GPC3: variants seen among roughly 807,000 people sequenced by gnomAD.
GPC3 encodes glypican-3.
A neutral mutation model predicts 34.4 loss-of-function variants in GPC3; 3 were observed. The ratio of observed to expected loss-of-function variants is 0.09; its 90% CI spans 0.04 to 0.23. The LOEUF (loss-of-function observed/expected upper bound fraction) is 0.23. Among genes scored for constraint, GPC3 ranks in the 10% least tolerant of loss-of-function variants. GPC3 has a pLI of 1.00. For synonymous variants in GPC3, 177 were observed against 174.0 expected (o/e 1.02, Z -0.13); for missense variants, 351 against 445.6 (o/e 0.79, Z 1.91).
intron 7 of GPC3, among the ~76,000 whole-genome samples, chrX:133,555,776 C>T (rs751214446): frequency 1.9e-5 from 2 of 107,977 alleles, no homozygotes; most frequent in Admixed American, 9.9e-5. Context: ...TGCAGTGAGC[C>T]GAGATTGTGC....
intron 3 of GPC3, 128 bp downstream of exon 3, chrX:133,753,354 C>A: frequency 1.8e-6 from 1 of 553,602 alleles, no homozygotes; most frequent in South Asian, 2.4e-5. Context: ...TCTGTGAGGT[C>A]ATTCAGTCCA....
chrX:133,670,008 G>A (rs1014750403), intron 5 of GPC3, among the ~76,000 whole-genome samples: 11 of 111,721 alleles, frequency 9.8e-5, no homozygotes, highest in African/African-American at 3.3e-4. Context: ...CTGCGCAAAA[G>A]CCATAAACAG....
At chrX:133,798,522 A>C (rs1051649282) in intron 2 of GPC3, among the ~76,000 whole-genome samples, 2 of 112,205 alleles carry the variant, frequency 1.8e-5, no homozygotes, top group Admixed American at 1.9e-4. Flanking sequence ...AGGTTACCCC[A>C]TCCATCTAAC....
chrX:133,860,318 C>T (rs1461903036), intron 2 of GPC3, among the ~76,000 whole-genome samples: 1 of 110,753 alleles, frequency 9.0e-6, no homozygotes, highest in African/African-American at 3.3e-5. Flanking sequence ...TCAGTATTCC[C>T]ACTTCGAAAC....
chrX:133,623,992 G>T (rs962334376), intron 6 of GPC3, among the ~76,000 whole-genome samples: 15 of 111,981 alleles, frequency 1.3e-4, no homozygotes, highest in African/African-American at 4.9e-4. Flanking sequence ...CTAGAACTGA[G>T]GATTAAGAGA....
chrX:133,848,381 T>A (rs1378759188), intron 2 of GPC3, among the ~76,000 whole-genome samples: 2 of 111,912 alleles, frequency 1.8e-5, no homozygotes, highest in East Asian at 2.8e-4. Flanking sequence ...TTCTGTGGAA[T>A]TCATCCCATA....
At chrX:133,952,396 C>T (rs1191832034) in intron 2 of GPC3, among the ~76,000 whole-genome samples, 4 of 112,232 alleles carry the variant, frequency 3.6e-5, no homozygotes, top group Non-Finnish European at 7.5e-5. Flanking sequence ...ACCACCACCA[C>T]CTCCATCATC....
At chrX:133,795,783 TAA>T (rs138945094) in intron 2 of GPC3, among the ~76,000 whole-genome samples, 11,848 of 110,027 alleles carry the variant, frequency 0.11, 675 homozygotes, top group Non-Finnish European at 0.17. Context: ...GGCCCTCTCA[TAA>T]GAGTCTCCAA....
At chrX:133,928,812 T>C (rs2076285917) in intron 2 of GPC3, among the ~76,000 whole-genome samples, 2 of 112,211 alleles carry the variant, frequency 1.8e-5, no homozygotes, top group East Asian at 2.8e-4. Flanking sequence ...GTTGTATGAG[T>C]TCTTTATAAA....
At chrX:133,557,184 C>G (rs1000894917) in intron 7 of GPC3, among the ~76,000 whole-genome samples, 1 of 110,270 alleles carries the variant, frequency 9.1e-6, no homozygotes, top group African/African-American at 3.3e-5. Flanking sequence ...GTCCCAGCTA[C>G]TGGGGAGGCT....
In GPC3 at chrX:133,771,776, T is replaced by C. The variant is rs147442923; in HGVS notation, c.338-17600A>G. ...AGAAGTAAATTGTTTTCTATTATAT[T>C]CTCCTTAGGCTATAAATTCTCTGGG... is the stretch of plus-strand genomic sequence containing the variant. On this transcript the variant is annotated intron_variant, in intron 2 of 7. Coordinates refer to ENST00000370818, the MANE Select transcript of GPC3 (RefSeq NM_004484.4). 4.8e-3 allele frequency among the ~76,000 whole-genome samples: 541 copies of C among 112,120 alleles called. 3 individuals carry two copies. The highest frequency in any genetic ancestry group is 0.016 in the African/African-American group (499 of 30,844).
chrX:133,725,973 G>A (rs1328120991), intron 3 of GPC3, among the ~76,000 whole-genome samples: 2 of 111,815 alleles, frequency 1.8e-5, no homozygotes, highest in African/African-American at 6.5e-5. Context: ...CTAGCATCAT[G>A]AAATCACATA....
chrX:133,788,739 C>T (rs1368989335), intron 2 of GPC3, among the ~76,000 whole-genome samples: 2 of 92,610 alleles, frequency 2.2e-5, no homozygotes, highest in Non-Finnish European at 4.3e-5. Context: ...TCCTCCTATG[C>T]CCTCCTCCTC....
chrX:133,754,264 A>G (rs2071705670), intron 2 of GPC3, 88 bp from the exon 3 acceptor site: 1 of 689,212 alleles, frequency 1.5e-6, no homozygotes, highest in Non-Finnish European at 2.2e-6. Flanking sequence ...AGACTTCTCT[A>G]TTGCTGTGGT....
intron 5 of GPC3, among the ~76,000 whole-genome samples, chrX:133,691,454 G>A (rs376179913): frequency 3.0e-4 from 33 of 108,297 alleles, no homozygotes; most frequent in African/African-American, 1.0e-3. Flanking sequence ...AGCCAAGATC[G>A]CACCATTGTA....
intron 2 of GPC3, among the ~76,000 whole-genome samples, chrX:133,846,788 T>C (rs1237274783): frequency 8.9e-6 from 1 of 112,212 alleles, no homozygotes; most frequent in African/African-American, 3.2e-5. Context: ...TTTGTGCCTG[T>C]TAGTTATAGA....
At chrX:133,644,844 G>A (rs973381985) in intron 6 of GPC3, among the ~76,000 whole-genome samples, 17 of 110,796 alleles carry the variant, frequency 1.5e-4, no homozygotes, top group South Asian at 3.9e-4. Flanking sequence ...GCAGTGGCAC[G>A]ATCTTGGCTC....
At chrX:133,748,530 A>G (rs1166347090) in intron 3 of GPC3, among the ~76,000 whole-genome samples, 2 of 111,265 alleles carry the variant, frequency 1.8e-5, no homozygotes, top group African/African-American at 6.5e-5. Context: ...TGGACTTTTC[A>G]GCACAAATCT....
chrX:133,634,770 T>C (rs974220285), intron 6 of GPC3, among the ~76,000 whole-genome samples: 2 of 111,926 alleles, frequency 1.8e-5, no homozygotes, highest in South Asian at 3.7e-4. Flanking sequence ...GGTTGCACAA[T>C]TGTATAAATT....
Sources: gnomAD v4.1 joint callset for allele counts (sites outside exome capture counted in the v4.1 genomes callset) on GRCh38, gnomAD v4.1.1 for gene constraint, MANE v1.5 for transcripts, NCBI Gene and HGNC (gene_info 2026-07-23, HGNC 2026-07-21) for gene names.